Variants in ARHGAP6 observed in about 807,000 individuals in gnomAD.
ARHGAP6 encodes the protein Rho GTPase activating protein 6.
Under a neutral mutation model 55.7 loss-of-function variants are expected in ARHGAP6, and 16 were observed. The ratio of observed to expected loss-of-function variants is 0.29; its 90% CI spans 0.19 to 0.44. The LOEUF (loss-of-function observed/expected upper bound fraction) is 0.44. ARHGAP6 is among the 20% of genes least tolerant of loss of function. The pLI, the probability that ARHGAP6 is intolerant of heterozygous loss-of-function variation, is 1.00. For missense variants in ARHGAP6, 698 were observed against 808.9 expected (o/e 0.86, Z 1.66); for synonymous variants, 382 against 360.9 (o/e 1.06, Z -0.66).
At chrX:11,377,757 C>T (rs1487364134) in intron 1 of ARHGAP6, among the ~76,000 whole-genome samples, 1 of 111,216 alleles carries the variant, frequency 9.0e-6, no homozygotes, top group African/African-American at 3.3e-5. Flanking sequence ...GGGTTTACGA[C>T]AGTGAGAGAG....
At chrX:11,246,257 T>C (rs2047351273) in intron 2 of ARHGAP6, among the ~76,000 whole-genome samples, 1 of 111,201 alleles carries the variant, frequency 9.0e-6, no homozygotes, top group South Asian at 3.8e-4. Context: ...GTATATAAGA[T>C]GTCAGGAAGT....
intron 1 of ARHGAP6, among the ~76,000 whole-genome samples, chrX:11,495,236 A>C (rs1470798313): frequency 9.0e-6 from 1 of 111,344 alleles, no homozygotes; most frequent in Non-Finnish European, 1.9e-5. Flanking sequence ...TTGGTGGAAC[A>C]TTCCCAGCCT....
chrX:11,195,772 C>T (rs781367971), intron 3 of ARHGAP6, among the ~76,000 whole-genome samples: 8 of 107,616 alleles, frequency 7.4e-5, no homozygotes, highest in African/African-American at 2.0e-4. Context: ...ACACAATTTA[C>T]CTATATAAGA....
intron 9 of ARHGAP6, among the ~76,000 whole-genome samples, chrX:11,168,340 A>G (rs1366859402): frequency 1.8e-5 from 2 of 112,496 alleles, no homozygotes; most frequent in African/African-American, 6.5e-5. Flanking sequence ...CAGTTTGCAC[A>G]ATACTTTCAC....
At chrX:11,511,834 AT>A (rs932877845) in intron 1 of ARHGAP6, among the ~76,000 whole-genome samples, 58 of 107,884 alleles carry the variant, frequency 5.4e-4, no homozygotes, top group African/African-American at 1.8e-3. Flanking sequence ...CAAAATTATG[AT>A]TTTTTTTTTG....
Position 11,664,221 on chromosome X carries a change from C to T in ARHGAP6, c.588+20G>A. ...GGGGCCTCCTCCTTGGGCCGTGGGA[C>T]GCGCAGCGCTGGTCCCTACCTCGGA... On this transcript the variant is annotated intron_variant, in intron 1 of 12. Coordinates refer to ENST00000337414, the MANE Select transcript of ARHGAP6 (RefSeq NM_013427.3). 1 of 1,179,561 alleles carries T rather than the reference C, an allele frequency of 8.5e-7. No individual in the cohort carries two copies.
Position 11,142,298 on chromosome X carries a change from G to T in ARHGAP6, c.2192C>A (p.Pro731His). The part of the protein sequence containing the change: ...PRLGKDLSEE[P>H]FDIWGTWHST... ...ATGCCAAGTTCCCCAGATATCGAAAGGCTCCTCTGACAGATCTAGGGAAAA... is the reference window on the plus strand; with the variant it reads ...ATGCCAAGTTCCCCAGATATCGAAATGCTCCTCTGACAGATCTAGGGAAAA... The change falls in exon 12 of 13, where the codon CCT becomes CAT. Residue 731 changes from proline (P) to histidine (H), a missense_variant. Coordinates refer to ENST00000337414, the MANE Select transcript of ARHGAP6 (RefSeq NM_013427.3). 8.3e-7 allele frequency: 1 copy of T among 1,198,329 alleles called. No homozygotes were observed. Among genetic ancestry groups the T allele is most frequent in the Non-Finnish European group, 1.1e-6 (1 of 886,724 alleles).
intron 1 of ARHGAP6, among the ~76,000 whole-genome samples, chrX:11,635,776 G>T (rs1182155417): frequency 9.0e-6 from 1 of 111,542 alleles, no homozygotes; most frequent in Non-Finnish European, 1.9e-5. Context: ...TACTATGAAG[G>T]TAAAGCAACT....
At chrX:11,410,100 G>A (rs1423801084) in intron 1 of ARHGAP6, among the ~76,000 whole-genome samples, 1 of 111,967 alleles carries the variant, frequency 8.9e-6, no homozygotes, top group African/African-American at 3.2e-5. Flanking sequence ...TTCCTATAAT[G>A]ACCAAGCAAT....
chrX:11,358,557 G>A (rs994014386), intron 1 of ARHGAP6, among the ~76,000 whole-genome samples: 1 of 104,571 alleles, frequency 9.6e-6, no homozygotes, highest in Non-Finnish European at 1.9e-5. Flanking sequence ...TCAGCTCACC[G>A]CTACCTCTGC....
At chrX:11,365,359 T>C (rs1411988068) in intron 1 of ARHGAP6, among the ~76,000 whole-genome samples, 2 of 112,198 alleles carry the variant, frequency 1.8e-5, no homozygotes, top group African/African-American at 6.5e-5. Context: ...AGTCTTCTGT[T>C]ACTTGCAGAC....
At chrX:11,517,312 A>G in intron 1 of ARHGAP6, among the ~76,000 whole-genome samples, 1 of 111,896 alleles carries the variant, frequency 8.9e-6, no homozygotes, top group East Asian at 2.8e-4. Context: ...AAAGCAAGTC[A>G]AAGATCTAAA....
chrX:11,478,963 A>C (rs1202827649), intron 1 of ARHGAP6, among the ~76,000 whole-genome samples: 6 of 112,246 alleles, frequency 5.3e-5, no homozygotes, highest in Non-Finnish European at 9.4e-5. Context: ...GGGAATCCAA[A>C]CATTTTCTGT....
intron 1 of ARHGAP6, among the ~76,000 whole-genome samples, chrX:11,256,165 G>A (rs2047491735): frequency 8.9e-6 from 1 of 112,179 alleles, no homozygotes; most frequent in South Asian, 3.7e-4. Flanking sequence ...TGAGGTGGGT[G>A]GATCACCTGA....
intron 1 of ARHGAP6, among the ~76,000 whole-genome samples, chrX:11,426,331 C>T (rs1158696814): frequency 9.1e-6 from 1 of 110,055 alleles, no homozygotes; most frequent in Non-Finnish European, 1.9e-5. Flanking sequence ...CACCCCTGTC[C>T]ACCTCTACTC....
At chrX:11,521,215 A>G (rs372660879) in intron 1 of ARHGAP6, among the ~76,000 whole-genome samples, 1 of 112,074 alleles carries the variant, frequency 8.9e-6, no homozygotes, top group East Asian at 2.8e-4. Context: ...TTGGTGTTTT[A>G]GACATGAAGT....
At chrX:11,638,922 G>A (rs1454877065) in intron 1 of ARHGAP6, among the ~76,000 whole-genome samples, 1 of 111,448 alleles carries the variant, frequency 9.0e-6, no homozygotes, top group Non-Finnish European at 1.9e-5. Context: ...TAAACATTAG[G>A]CTGCGGAGGA....
At chrX:11,538,785 C>T (rs2051128066) in intron 1 of ARHGAP6, among the ~76,000 whole-genome samples, 1 of 109,489 alleles carries the variant, frequency 9.1e-6, no homozygotes, top group African/African-American at 3.3e-5. Flanking sequence ...AACCTTGGCA[C>T]TATTGACATT....
intron 1 of ARHGAP6, among the ~76,000 whole-genome samples, chrX:11,300,452 C>G (rs1219827067): frequency 1.8e-5 from 2 of 111,755 alleles, no homozygotes; most frequent in African/African-American, 6.5e-5. Context: ...TATCTAATGA[C>G]AACGAAATAA....
Sources: allele counts gnomAD v4.1 joint callset (sites outside exome capture counted in the v4.1 genomes callset), GRCh38; gene constraint gnomAD v4.1.1; transcripts MANE v1.5; gene names NCBI Gene and HGNC (gene_info 2026-07-23, HGNC 2026-07-21).